The following SLC26A3 variants were observed in gnomAD, a reference collection of about 807,000 sequenced individuals.
SLC26A3 encodes the protein solute carrier family 26 member 3.
Under a neutral mutation model 85.6 loss-of-function variants are expected in SLC26A3, and 64 were observed. The ratio of observed to expected loss-of-function variants is 0.75; its 90% CI spans 0.61 to 0.92. The LOEUF is 0.92. SLC26A3 is among the 40% of genes least tolerant of loss of function. The probability of loss-of-function intolerance (pLI) is 0.00; values close to 1 mark genes in which losing one functional copy is unlikely to be tolerated. For synonymous variants in SLC26A3, 349 were observed against 336.0 expected (o/e 1.04, Z -0.42); for missense variants, 922 against 927.3 (o/e 0.99, Z 0.07).
chr7:107,778,359 A>G (rs1794155876), intron 12 of SLC26A3, 78 bp from the exon 13 acceptor site: 1 of 453,062 alleles, frequency 2.2e-6, no homozygotes, highest in Non-Finnish European at 3.5e-6. Context: ...TTTTAAAAAG[A>G]CTTTTTTTTT....
In SLC26A3 at chr7:107,794,370, AT is replaced by A; in HGVS notation, c.131+8del. The stretch of plus-strand genomic sequence containing the variant: ...ATTCCTAATGCCAATACCTTAAAAA[AT>A]ATCTTACCTACAACACACTTTGAGA... On this transcript the variant is annotated splice_region_variant and intron_variant, in intron 2 of 20. Transcript: ENST00000340010. 3.1e-6 allele frequency: 5 copies of A among 1,613,882 alleles called. No individual in the cohort carries two copies. In the South Asian group the frequency reaches 4.4e-5, roughly 14 times the overall value.
intron 11 of SLC26A3, among the ~76,000 whole-genome samples, chr7:107,781,810 C>G (rs756154544): frequency 6.6e-6 from 1 of 152,144 alleles, no homozygotes; most frequent in Non-Finnish European, 1.5e-5. Context: ...GCCTAGGTAA[C>G]AGCCAATAGA....
At position 107,789,754 on chromosome 7, in the gene SLC26A3, C is replaced by T. The variant is rs376205652; in HGVS notation, c.571-66G>A. The T allele has an allele frequency of 7.7e-5, 115 of 1,483,878 alleles. No homozygotes were observed. The South Asian group carries it at 1.1e-3, about 15-fold the overall frequency. 91.9% of individuals were successfully genotyped at this position (1,483,878 alleles called of 1,614,324 possible). ...GTATACCTCAGCAAACTCAAGGATC[C>T]GCAACTGAAATAATATTACACAAAA... On this transcript the variant is annotated intron_variant, in intron 5 of 20. Coordinates refer to ENST00000340010, the MANE Select transcript of SLC26A3 (RefSeq NM_000111.3).
Position 107,783,327 on chromosome 7 carries a change from C to T in SLC26A3, c.997G>A (p.Val333Met), listed in dbSNP as rs769800728. ...CCTACGGTGTTTTGGAAAGTCTCCA[C>T]GTCAGGTGTAATAGGGGGCTGAAAT... ...PGFQPPITPD[V>M]ETFQNTVGDC... The change falls in exon 9 of 21, where the codon GTG becomes ATG. Residue 333 changes from valine to methionine, a missense_variant. Physicochemically the swap from Val to Met is conservative, Grantham distance 21 (BLOSUM62 1). Coordinates refer to ENST00000340010, the MANE Select transcript of SLC26A3 (RefSeq NM_000111.3). 6 of 1,614,032 alleles carry T rather than the reference C, an allele frequency of 3.7e-6. No homozygotes were observed. The highest frequency in any genetic ancestry group is 1.3e-5 in the African/African-American group (1 of 74,920).
intron 11 of SLC26A3, among the ~76,000 whole-genome samples, chr7:107,782,565 T>C (rs1017051719): frequency 6.6e-6 from 1 of 152,176 alleles, no homozygotes; most frequent in African/African-American, 2.4e-5. Flanking sequence ...GCTATGCACA[T>C]GCAAAGTGTA....
At position 107,790,112 on chromosome 7, in the gene SLC26A3, C is replaced by T. The variant is rs187108271; in HGVS notation, c.571-424G>A. Among the ~76,000 whole-genome samples, 9 of 152,348 alleles carry T rather than the reference C, an allele frequency of 5.9e-5. No individual in the cohort carries two copies. In the East Asian group the frequency reaches 1.7e-3, roughly 29 times the overall value. ...GAGCACGCATGAGCGAGTGTCTATC[C>T]TATTTCCTCAAAGTTGCTCAACTTG... On this transcript the variant is annotated intron_variant, in intron 5 of 20. Coordinates refer to ENST00000340010, the MANE Select transcript of SLC26A3 (RefSeq NM_000111.3).
intron 8 of SLC26A3, among the ~76,000 whole-genome samples, chr7:107,784,374 G>T (rs1374017977): frequency 6.6e-6 from 1 of 152,128 alleles, no homozygotes; most frequent in Non-Finnish European, 1.5e-5. Context: ...AAAGACTTGG[G>T]TTCATTTCCT....
In SLC26A3 at chr7:107,767,861, C is replaced by T. The variant is rs752346575; in HGVS notation, c.2110G>A (p.Val704Met). The T allele has an allele frequency of 1.2e-6, 2 of 1,613,598 alleles. No individual in the cohort carries two copies. Among genetic ancestry groups the T allele is most frequent in the East Asian group, 4.5e-5 (2 of 44,854 alleles). ...GTTAAGAAAAATATTGAGCTTTTCA[C>T]TTCACCATCAAAAAATTCATACCGG... ...LNRYEFFDGE[V>M]KSSIFFLTIH... is the part of the protein sequence containing the mutation. The change falls in exon 19 of 21, where the codon GTG becomes ATG. Residue 704 changes from valine to methionine, a missense_variant. Transcript: ENST00000340010.
chr7:107,798,368 C>T (rs1299997831), intron 1 of SLC26A3, among the ~76,000 whole-genome samples: 1 of 152,032 alleles, frequency 6.6e-6, no homozygotes, highest in Non-Finnish European at 1.5e-5. Context: ...ACATACCTCC[C>T]CACCACTTCA....
intron 1 of SLC26A3, among the ~76,000 whole-genome samples, chr7:107,799,612 G>A (rs1009637944): frequency 6.6e-6 from 1 of 152,118 alleles, no homozygotes; most frequent in Non-Finnish European, 1.5e-5. Context: ...GGCTGGTCTC[G>A]AACTCCTGGC....
rs774093404 is a variant in SLC26A3, at chr7:107,776,657, T to C, written c.1564A>G (p.Asn522Asp). ...CTTACATCATAATAATCTTTTTTAT[T>C]CTTATAGATGTTGGTTCTTCCAATA... The part of the protein sequence containing the change: ...ANIGRTNIYK[N>D]KKDYYDMYEP... Residue 522 changes from asparagine to aspartate, a missense_variant, in exon 14 of 21, where the codon AAT becomes GAT. Coordinates refer to ENST00000340010, the MANE Select transcript of SLC26A3 (RefSeq NM_000111.3). 2 of 1,613,882 alleles carry C rather than the reference T, an allele frequency of 1.2e-6. No homozygotes were observed. The highest frequency in any genetic ancestry group is 2.2e-5 in the South Asian group (2 of 91,072).
Position 107,774,161 on chromosome 7 carries a change from A to G in SLC26A3, c.1774-8T>C. 6.3e-7 allele frequency: 1 copy of G among 1,597,410 alleles called. No individual in the cohort carries two copies. The highest frequency in any genetic ancestry group is 8.6e-7 in the Non-Finnish European group (1 of 1,164,724). ...AGTACATATAAATCCTTTCTGCAGG[A>G]GAGGATAACAAGTATGAAAACTGTG... On this transcript the variant is annotated splice_polypyrimidine_tract_variant and splice_region_variant and intron_variant, in intron 16 of 20. Transcript: ENST00000340010.
In SLC26A3 at chr7:107,782,847, C is replaced by G. The variant is rs1415789229; in HGVS notation, c.1261G>C (p.Val421Leu). Residue 421 changes from valine (V) to leucine (L), a missense_variant, in exon 11 of 21, where the codon GTG becomes CTG. Val to Leu is a conservative substitution (Grantham distance 32). Transcript: ENST00000340010. ...CCAATGGCTAGAACGACAATCAGCA[C>G]GATGATGGCACCAATAAGCCCAGCA... ...QIAGLIGAII[V>L]LIVVLAIGFL... is the part of the protein sequence containing the mutation. 4 of 1,614,070 alleles carry G rather than the reference C, an allele frequency of 2.5e-6. No homozygotes were observed. The highest frequency in any genetic ancestry group is 3.4e-6 in the Non-Finnish European group (4 of 1,179,984).
In SLC26A3 at chr7:107,791,120, A is replaced by C. The variant is rs775076151; in HGVS notation, c.498T>G (p.Ser166=). The C allele has an allele frequency of 8.3e-5, 134 of 1,614,094 alleles. No homozygotes were observed. Among genetic ancestry groups the C allele is most frequent in the Non-Finnish European group, 1.1e-4 (129 of 1,180,044 alleles). ...TCACCCTCTCGTCATCCAGTAGTGA[A>C]GAATTATTCGAGTTGTTAGGCAATC... ...TLGLPNNSNN[S]SLLDDERVRV... Residue 166 remains serine (S), a synonymous_variant, in exon 5 of 21, where the codon TCT becomes TCG. Coordinates refer to ENST00000340010, the MANE Select transcript of SLC26A3 (RefSeq NM_000111.3).
intron 3 of SLC26A3, among the ~76,000 whole-genome samples, chr7:107,793,328 G>T (rs1794435401): frequency 6.6e-6 from 1 of 152,106 alleles, no homozygotes; most frequent in South Asian, 2.1e-4. Flanking sequence ...TAGCCCCCAA[G>T]TGGAAACAAC....
At chr7:107,793,516 T>A (rs1035632060) in intron 3 of SLC26A3, among the ~76,000 whole-genome samples, 1 of 152,206 alleles carries the variant, frequency 6.6e-6, no homozygotes, top group Non-Finnish European at 1.5e-5. Flanking sequence ...TTGTATTATT[T>A]CATTTGCATG....
chr7:107,784,259 G>A (rs1041434499), intron 8 of SLC26A3, among the ~76,000 whole-genome samples: 1 of 152,112 alleles, frequency 6.6e-6, no homozygotes, highest in Non-Finnish European at 1.5e-5. Context: ...AAATCCAAAA[G>A]TTAGCTTGGA....
chr7:107,792,388 T>C (rs1186601349), intron 3 of SLC26A3, among the ~76,000 whole-genome samples: 1 of 151,918 alleles, frequency 6.6e-6, no homozygotes, highest in Non-Finnish European at 1.5e-5. Context: ...CCTGAGCTTG[T>C]TTTCCTGCAA....
Position 107,765,570 on chromosome 7 carries a change from A to G in SLC26A3, c.*285T>C. 1 of 383,650 alleles carries G rather than the reference A, an allele frequency of 2.6e-6. No homozygotes were observed. The highest frequency in any genetic ancestry group is 4.7e-6 in the Non-Finnish European group (1 of 211,506). 23.8% of individuals were successfully genotyped at this position (383,650 alleles called of 1,614,324 possible). On this transcript the variant is annotated 3_prime_UTR_variant, in exon 21 of 21. Transcript: ENST00000340010. The stretch of plus-strand genomic sequence containing the variant: ...ACTATACTGCTAAACCTATGCATGA[A>G]GGTAGTGACTAGGATGGAAATCTGT...
Sources: allele counts gnomAD v4.1 joint callset (sites outside exome capture counted in the v4.1 genomes callset), GRCh38; gene constraint gnomAD v4.1.1; transcripts MANE v1.5; gene names NCBI Gene and HGNC (gene_info 2026-07-23, HGNC 2026-07-21).